Variants in SIAH2 observed in about 807,000 individuals in gnomAD.
SIAH2 encodes E3 ubiquitin-protein ligase SIAH2.
SIAH2 carries 4 observed loss-of-function variants against 20.4 expected under a neutral mutation model. That is an observed-to-expected ratio of 0.20 (90% CI 0.10 to 0.45). SIAH2 has a LOEUF of 0.45. Ranked by LOEUF, SIAH2 falls within the 20% of genes least tolerant of loss-of-function variation. The probability of loss-of-function intolerance (pLI) is 0.99; values close to 1 mark genes in which losing one functional copy is unlikely to be tolerated. For synonymous variants in SIAH2, 171 were observed against 192.5 expected (o/e 0.89, Z 0.93); for missense variants, 259 against 440.3 (o/e 0.59, Z 3.69).
intron 1 of SIAH2, among the ~76,000 whole-genome samples, chr3:150,761,250 A>T (rs759292681): frequency 5.6e-4 from 85 of 152,226 alleles, no homozygotes; most frequent in Non-Finnish European, 6.8e-4. Context: ...CATTATCTCC[A>T]CTTCTAATTT....
rs1714099302 is a variant in SIAH2, at chr3:150,742,107, G to A, written c.*34C>T. On this transcript the variant is annotated 3_prime_UTR_variant, in exon 2 of 2. Transcript: ENST00000312960. The surrounding 1 kb of genome is among the most constrained non-coding windows in gnomAD (Gnocchi z 4.8). ...ACCTTTATTAAACATAGAGCACTATGCCCAAATAATTTTGAAGGTTTACGA... is the reference window on the plus strand; with the variant it reads ...ACCTTTATTAAACATAGAGCACTATACCCAAATAATTTTGAAGGTTTACGA... 1.3e-6 allele frequency: 2 copies of A among 1,566,510 alleles called. No homozygotes were observed. The highest frequency in any genetic ancestry group is 1.7e-6 in the Non-Finnish European group (2 of 1,149,268).
intron 1 of SIAH2, among the ~76,000 whole-genome samples, chr3:150,753,925 T>TA (rs11300954): frequency 4.6e-5 from 7 of 150,762 alleles, no homozygotes; most frequent in East Asian, 1.9e-4. Flanking sequence ...AGCAGTGCTT[T>TA]AAAAAAAAAA....
At chr3:150,756,979 G>A (rs1043535257) in intron 1 of SIAH2, among the ~76,000 whole-genome samples, 2 of 152,066 alleles carry the variant, frequency 1.3e-5, no homozygotes, top group African/African-American at 4.8e-5. Context: ...TTGGCTAATC[G>A]GCTTGTGCTT....
In SIAH2 at chr3:150,762,898, C is replaced by T; in HGVS notation, c.-49G>A. ...CTGCGGGCGCCTGCCTGCCGCGGGG[C>T]CGCCCGGGTCAAGGCGGTGCGCGCC... On this transcript the variant is annotated 5_prime_UTR_variant, in exon 1 of 2. Transcript: ENST00000312960. The surrounding 1 kb of genome is among the most constrained non-coding windows in gnomAD (Gnocchi z 6.6). 27 of 1,147,918 alleles carry T rather than the reference C, an allele frequency of 2.4e-5. No homozygotes were observed. Among genetic ancestry groups the T allele is most frequent in the Non-Finnish European group, 2.8e-5 (26 of 924,884 alleles). 71.1% of individuals were successfully genotyped at this position (1,147,918 alleles called of 1,614,324 possible).
intron 1 of SIAH2, among the ~76,000 whole-genome samples, chr3:150,758,962 C>T (rs918504703): frequency 6.6e-6 from 1 of 152,074 alleles, no homozygotes; most frequent in African/African-American, 2.4e-5. Context: ...TCAGGCTGGT[C>T]TCAAACTCCT....
Position 150,762,384 on chromosome 3 carries a change from G to A in SIAH2, c.417+49C>T. The A allele has an allele frequency of 1.9e-6, 3 of 1,569,608 alleles. No individual in the cohort carries two copies. Among genetic ancestry groups the A allele is most frequent in the South Asian group, 1.2e-5 (1 of 86,710 alleles). ...CCTGCGAGTGGGCTGGCGGATACCG[G>A]AGTCCCTGAGGTCACCGGCGGAGGT... On this transcript the variant is annotated intron_variant, in intron 1 of 1. Transcript: ENST00000312960. The surrounding 1 kb of genome is among the most constrained non-coding windows in gnomAD (Gnocchi z 6.6).
In SIAH2 at chr3:150,762,781, G is replaced by GGGCTGC. The variant is rs1714655111; in HGVS notation, c.63_68dup (p.Pro23_Gln24dup). ...GCGCAGCCGGGGACGGAGTGTGCTG[G>GGGCTGC]GGCTGCGGCGGCGGCTGCTTGCTGC... On this transcript the variant is annotated inframe_insertion, in exon 1 of 2. Transcript: ENST00000312960. The surrounding 1 kb of genome is among the most constrained non-coding windows in gnomAD (Gnocchi z 6.6). The GGGCTGC allele has an allele frequency of 8.2e-7, 1 of 1,214,472 alleles. No individual in the cohort carries two copies. Among genetic ancestry groups the GGGCTGC allele is most frequent in the Admixed American group, 3.6e-5 (1 of 28,042 alleles). The allele number at this position is 1,214,472 out of a possible 1,614,324, so 75.2% of individuals were successfully genotyped here. A position where few individuals can be genotyped will look rare whatever the true frequency, so the allele number is the denominator to read the frequency against.
intron 1 of SIAH2, among the ~76,000 whole-genome samples, chr3:150,757,162 G>GA (rs2108124610): frequency 6.6e-6 from 1 of 152,258 alleles, no homozygotes; most frequent in Non-Finnish European, 1.5e-5. Flanking sequence ...CAGGGTCAGG[G>GA]AAGTATGTGA....
At chr3:150,761,592 T>C (rs1435163863) in intron 1 of SIAH2, among the ~76,000 whole-genome samples, 1 of 152,166 alleles carries the variant, frequency 6.6e-6, no homozygotes. Context: ...TATGTATATA[T>C]AGTTTAAAAA....
intron 1 of SIAH2, among the ~76,000 whole-genome samples, chr3:150,752,976 G>A (rs1714403937): frequency 6.6e-6 from 1 of 152,212 alleles, no homozygotes; most frequent in Non-Finnish European, 1.5e-5. Context: ...CCTAGCTCGG[G>A]CCATCTATAA....
chr3:150,746,898 G>A (rs1370120975), intron 1 of SIAH2, among the ~76,000 whole-genome samples: 1 of 152,240 alleles, frequency 6.6e-6, no homozygotes, highest in African/African-American at 2.4e-5. Context: ...CGCTAGCAAA[G>A]CACGGAGTTA....
At chr3:150,745,866 G>C (rs2108117746) in intron 1 of SIAH2, among the ~76,000 whole-genome samples, 1 of 152,334 alleles carries the variant, frequency 6.6e-6, no homozygotes, top group East Asian at 1.9e-4. Flanking sequence ...CTATCCTAGA[G>C]CACACAGAAG....
intron 1 of SIAH2, among the ~76,000 whole-genome samples, chr3:150,760,711 G>A (rs997727961): frequency 1.3e-5 from 2 of 152,194 alleles, no homozygotes; most frequent in South Asian, 2.1e-4. Context: ...TAGCCGCTGC[G>A]CGTTTAAGGG....
chr3:150,751,937 G>C (rs549355377), intron 1 of SIAH2, among the ~76,000 whole-genome samples: 74 of 152,272 alleles, frequency 4.9e-4, no homozygotes, highest in African/African-American at 1.6e-3. Flanking sequence ...GAGACTCCCA[G>C]GGCTGGCAGG....
In SIAH2 at chr3:150,742,091, A is replaced by C; in HGVS notation, c.*50T>G. 6.7e-7 allele frequency: 1 copy of C among 1,494,064 alleles called. No homozygotes were observed. The highest frequency in any genetic ancestry group is 1.4e-5 in the African/African-American group (1 of 71,614). 92.6% of individuals were successfully genotyped at this position (1,494,064 alleles called of 1,614,324 possible). A position where few individuals can be genotyped will look rare whatever the true frequency, so the allele number is the denominator to read the frequency against. ...TAAAACATCTATAAAAACCTTTATT[A>C]AACATAGAGCACTATGCCCAAATAA... On this transcript the variant is annotated 3_prime_UTR_variant, in exon 2 of 2. Transcript: ENST00000312960. This position sits in a 1 kb window ranked among gnomAD's most constrained non-coding sequence, Gnocchi z 4.8.
intron 1 of SIAH2, among the ~76,000 whole-genome samples, chr3:150,750,247 A>G (rs1714328090): frequency 6.6e-6 from 1 of 152,188 alleles, no homozygotes; most frequent in Non-Finnish European, 1.5e-5. Context: ...AGACCACTGA[A>G]TGATCACAGG....
Position 150,742,257 on chromosome 3 carries a change from C to G in SIAH2, c.859G>C (p.Val287Leu). ...TCGCTGTTCATGATGGCCGCAGCCA[C>G]ACCGTCATGAATCGAACGGGGCGTG... is the stretch of plus-strand genomic sequence containing the variant. ...EATPRSIHDG[V>L]AAAIMNSDCL... The change falls in exon 2 of 2, where the codon GTG (valine) becomes CTG (leucine). Residue 287 changes from valine to leucine, a missense_variant. Around this residue, in one of 2 missense-constraint regions of SIAH2, gnomAD observed 160 missense variants for 327.6 expected, o/e 0.49. Coordinates refer to ENST00000312960, the MANE Select transcript of SIAH2 (RefSeq NM_005067.7). This position sits in a 1 kb window ranked among gnomAD's most constrained non-coding sequence, Gnocchi z 4.8. The G allele has an allele frequency of 6.2e-7, 1 of 1,614,198 alleles. No homozygotes were observed. The highest frequency in any genetic ancestry group is 8.5e-7 in the Non-Finnish European group (1 of 1,180,046).
At chr3:150,745,685 C>T (rs1187629781) in intron 1 of SIAH2, among the ~76,000 whole-genome samples, 5 of 151,984 alleles carry the variant, frequency 3.3e-5, no homozygotes, top group East Asian at 1.9e-4. Context: ...TTAGTAGAGA[C>T]GGGGTCTCAC....
Position 150,742,244 on chromosome 3 carries a change from A to AT in SIAH2, c.871dup (p.Ile291AsnfsTer20). On this transcript the variant is annotated frameshift_variant, in exon 2 of 2. Coordinates refer to ENST00000312960, the MANE Select transcript of SIAH2 (RefSeq NM_005067.7). LOFTEE classifies it high-confidence loss of function. This position sits in a 1 kb window ranked among gnomAD's most constrained non-coding sequence, Gnocchi z 4.8. ...GAAAACAAGGCAGTCGCTGTTCATG[A>AT]TGGCCGCAGCCACACCGTCATGAAT... 1 of 1,614,184 alleles carries AT rather than the reference A, an allele frequency of 6.2e-7. No individual in the cohort carries two copies. Among genetic ancestry groups the AT allele is most frequent in the Non-Finnish European group, 8.5e-7 (1 of 1,180,048 alleles).
Sources: gnomAD v4.1 joint callset for allele counts (sites outside exome capture counted in the v4.1 genomes callset) on GRCh38, gnomAD v4.1.1 for gene constraint, gnomAD v4.1.1 regional missense constraint, Gnocchi (gnomAD v3.1) non-coding constraint, MANE v1.5 for transcripts, NCBI Gene and HGNC (gene_info 2026-07-23, HGNC 2026-07-21) for gene names.